The following CSDE1 variants were observed in gnomAD, a reference collection of about 807,000 sequenced individuals.
CSDE1 encodes the protein cold shock domain-containing protein E1.
CSDE1 carries 17 observed loss-of-function variants against 89.3 expected under a neutral mutation model. The ratio of observed to expected loss-of-function variants is 0.19; its 90% confidence interval spans 0.13 to 0.29. CSDE1 has a LOEUF of 0.29. CSDE1 is among the 10% of genes least tolerant of loss of function. The pLI, the probability that CSDE1 is intolerant of heterozygous loss-of-function variation, is 1.00. For synonymous variants in CSDE1, 322 were observed against 332.8 expected (o/e 0.97, Z 0.35); for missense variants, 672 against 984.2 (o/e 0.68, Z 4.24).
intron 12 of CSDE1, chr1:114,727,829 A>G (rs1056457655): frequency 6.6e-6 from 1 of 151,708 alleles, no homozygotes; most frequent in African/African-American, 2.4e-5. Context: ...TAAAAAAATA[A>G]AAGTCTAAGA....
At chr1:114,727,854 C>T (rs1424470852) in intron 12 of CSDE1, 3 of 151,998 alleles carry the variant, frequency 2.0e-5, no homozygotes, top group Non-Finnish European at 2.9e-5. Flanking sequence ...TCAGGTGTGT[C>T]GTATTGAATC....
chr1:114,729,908 G>T (rs114257455), intron 12 of CSDE1, among the ~76,000 whole-genome samples: 61 of 152,170 alleles, frequency 4.0e-4, no homozygotes, highest in African/African-American at 1.4e-3. Context: ...TATATAACTA[G>T]TTCTCTACTT....
chr1:114,734,296 A>C (rs1660271859), intron 7 of CSDE1, 146 bp downstream of exon 7: 6 of 1,052,046 alleles, frequency 5.7e-6, no homozygotes, highest in Non-Finnish European at 8.3e-6. Context: ...GCAACCAAGG[A>C]ATTTTAAGAG....
At chr1:114,753,808 C>T (rs1304102424) in intron 1 of CSDE1, among the ~76,000 whole-genome samples, 1 of 152,004 alleles carries the variant, frequency 6.6e-6, no homozygotes, top group African/African-American at 2.4e-5. Flanking sequence ...CCCAGCTACT[C>T]GGGAAGCTGA....
chr1:114,747,587 C>A (rs772629554), intron 2 of CSDE1, among the ~76,000 whole-genome samples: 6 of 152,152 alleles, frequency 3.9e-5, no homozygotes, highest in African/African-American at 1.4e-4. Flanking sequence ...TTGCCAGGCA[C>A]GGTGGCTCAT....
intron 16 of CSDE1, among the ~76,000 whole-genome samples, chr1:114,722,741 A>C (rs139040813): frequency 6.6e-6 from 1 of 152,344 alleles, no homozygotes; most frequent in Non-Finnish European, 1.5e-5. Flanking sequence ...ATATCATATT[A>C]TGAGTTAAAG....
chr1:114,741,555 T>C, intron 2 of CSDE1: 1 of 1,551,370 alleles, frequency 6.4e-7, no homozygotes, highest in Non-Finnish European at 8.7e-7. Context: ...GGTCCTCTTT[T>C]GTTTTTTAGT....
chr1:114,755,888 C>T (rs945028223), intron 1 of CSDE1, among the ~76,000 whole-genome samples: 10 of 152,222 alleles, frequency 6.6e-5, no homozygotes, highest in African/African-American at 2.4e-4. Flanking sequence ...AAGTATGGCT[C>T]TCACAACAGT....
At chr1:114,742,357 G>A (rs887380948) in intron 2 of CSDE1, among the ~76,000 whole-genome samples, 1 of 152,184 alleles carries the variant, frequency 6.6e-6, no homozygotes, top group Admixed American at 6.5e-5. Context: ...GGGAGGCCGG[G>A]GTGGACATGA....
intron 3 of CSDE1, 146 bp from the exon 4 acceptor site, chr1:114,738,218 C>T (rs1570931177): frequency 4.7e-6 from 3 of 637,656 alleles, no homozygotes; most frequent in Non-Finnish European, 8.4e-6. Context: ...ATTAACATCA[C>T]CTGGGAGCTT....
chr1:114,746,219 T>C (rs760381235), intron 2 of CSDE1, among the ~76,000 whole-genome samples: 1 of 152,212 alleles, frequency 6.6e-6, no homozygotes, highest in African/African-American at 2.4e-5. Flanking sequence ...TAAGTAATTA[T>C]TCATTAAAGT....
In CSDE1 at chr1:114,718,120, TCCC is replaced by T; in HGVS notation, c.*46_*48del. ...AGATATTCAGAACCCTTCACCAGAT[TCCC>T]CCCAACTTGATCATAGTGGATTAAT... is the stretch of plus-strand genomic sequence containing the variant. On this transcript the variant is annotated 3_prime_UTR_variant, in exon 20 of 20. Coordinates refer to ENST00000358528, the MANE Select transcript of CSDE1 (RefSeq NM_001007553.3). 6.3e-7 allele frequency: 1 copy of T among 1,599,620 alleles called. No homozygotes were observed. Among genetic ancestry groups the T allele is most frequent in the Non-Finnish European group, 8.6e-7 (1 of 1,167,480 alleles).
At chr1:114,745,565 A>C (rs1224461573) in intron 2 of CSDE1, among the ~76,000 whole-genome samples, 1 of 152,176 alleles carries the variant, frequency 6.6e-6, no homozygotes, top group African/African-American at 2.4e-5. Context: ...TCCAGTTCTG[A>C]CTCCATTCTT....
chr1:114,749,650 T>C (rs1444612303), intron 2 of CSDE1, among the ~76,000 whole-genome samples, 171 bp downstream of exon 2: 1 of 152,174 alleles, frequency 6.6e-6, no homozygotes, highest in Admixed American at 6.5e-5. Flanking sequence ...TGACCATAAA[T>C]ACTGTCCTTA....
rs936684034 is a variant in CSDE1 at position 114,721,967 on chromosome 1, C to T, written c.1874-1250G>A. Among the ~76,000 whole-genome samples, 41 of 151,642 alleles carry T rather than the reference C, an allele frequency of 2.7e-4. 1 individual carries two copies. The highest frequency in any genetic ancestry group is 4.6e-4 in the Admixed American group (7 of 15,224). On this transcript the variant is annotated intron_variant, in intron 16 of 19. Transcript: ENST00000358528. ...GCATGATTCAGCTCACTGCAACTTCCGCCTCCCAGGTTCAAGTGATTCTCC... is the reference window on the plus strand; with the variant it reads ...GCATGATTCAGCTCACTGCAACTTCTGCCTCCCAGGTTCAAGTGATTCTCC...
intron 13 of CSDE1, among the ~76,000 whole-genome samples, chr1:114,726,742 C>G (rs902409505): frequency 1.3e-5 from 2 of 152,140 alleles, no homozygotes; most frequent in African/African-American, 4.8e-5. Flanking sequence ...TTACCAATAA[C>G]GATTTTATTA....
chr1:114,752,274 T>C (rs751821903), intron 1 of CSDE1, among the ~76,000 whole-genome samples: 1 of 152,064 alleles, frequency 6.6e-6, no homozygotes, highest in Non-Finnish European at 1.5e-5. Flanking sequence ...TCCAATTTCA[T>C]TTCTCATCTC....
chr1:114,728,225 G>A (rs1240602432), intron 12 of CSDE1, among the ~76,000 whole-genome samples: 2 of 152,064 alleles, frequency 1.3e-5, no homozygotes, highest in African/African-American at 2.4e-5. Flanking sequence ...AAAACCCAGC[G>A]CAAAATAATC....
chr1:114,751,928 A>C (rs1476056523), intron 1 of CSDE1, among the ~76,000 whole-genome samples: 4 of 152,174 alleles, frequency 2.6e-5, no homozygotes, highest in Admixed American at 6.5e-5. Context: ...TCCAGTGTGC[A>C]CACTTTCCAT....
Sources: allele counts gnomAD v4.1 joint callset (sites outside exome capture counted in the v4.1 genomes callset), GRCh38; gene constraint gnomAD v4.1.1; transcripts MANE v1.5; gene names NCBI Gene and HGNC (gene_info 2026-07-23, HGNC 2026-07-21).